FMN1: variants seen among roughly 807,000 people sequenced by gnomAD.
The protein encoded by FMN1 is formin 1.
In FMN1, 110 loss-of-function variants were observed where a neutral mutation model predicts 132.4. The observed-to-expected ratio is 0.83, with a 90% CI of 0.71 to 0.97. The LOEUF (loss-of-function observed/expected upper bound fraction) is 0.97. Among genes scored for constraint, FMN1 ranks in the 50% least tolerant of loss-of-function variants. FMN1 has a pLI of 0.00. For missense variants in FMN1, 1,792 were observed against 1,705.3 expected (o/e 1.05, Z -0.90); for synonymous variants, 722 against 651.7 (o/e 1.11, Z -1.64).
rs182045527 is a variant in FMN1 at position 32,863,439 on chromosome 15, A to T, written c.3836-6332T>A. The stretch of plus-strand genomic sequence containing the variant: ...ACAGAGCGAGACTCCATCTCAAAAT[A>T]AATAAATAAATAAAATAAAATAAAT... On this transcript the variant is annotated intron_variant, in intron 16 of 20. Coordinates refer to ENST00000616417, the MANE Select transcript of FMN1 (RefSeq NM_001277313.2). Among the ~76,000 whole-genome samples, 594 of 152,260 alleles carry T rather than the reference A, an allele frequency of 3.9e-3. 2 individuals carry two copies. The highest frequency in any genetic ancestry group is 6.9e-3 in the Non-Finnish European group (469 of 68,014).
intron 7 of FMN1, 33 bp downstream of exon 7, chr15:33,007,981 T>C (rs1345916662): frequency 7.7e-6 from 12 of 1,561,020 alleles, no homozygotes; most frequent in African/African-American, 6.8e-5. Context: ...ATCAGTTCTA[T>C]AGAACCCGTT....
intron 12 of FMN1, 184 bp downstream of exon 12, chr15:32,908,306 C>G (rs2060475374): frequency 3.7e-6 from 2 of 543,066 alleles, no homozygotes; most frequent in African/African-American, 1.9e-5. Context: ...TCCAACAGCA[C>G]AAATCTCAGC....
rs1596467942 is a variant in FMN1 at position 33,012,500 on chromosome 15, G to A, written c.2162-4425C>T. 6 of 1,410,066 alleles carry A rather than the reference G, an allele frequency of 4.3e-6. No homozygotes were observed. In the East Asian group the frequency reaches 1.4e-4, roughly 32 times the overall value. The allele number at this position is 1,410,066 out of a possible 1,614,324, so 87.3% of individuals were successfully genotyped here. Reference sequence around the variant, plus strand: ...CTAAGAGATTATTTTCAACAGTATGGAAAAATGGAAGTGATTGAAATCATG... The same window carrying A: ...CTAAGAGATTATTTTCAACAGTATGAAAAAATGGAAGTGATTGAAATCATG... On this transcript the variant is annotated intron_variant, in intron 6 of 20. Coordinates refer to ENST00000616417, the MANE Select transcript of FMN1 (RefSeq NM_001277313.2).
chr15:32,870,840 T>A lies in FMN1; in HGVS notation c.3836-13733A>T, dbSNP rs1247012176. Among the ~76,000 whole-genome samples, 3 of 152,176 alleles carry A rather than the reference T, an allele frequency of 2.0e-5. No homozygotes were observed. In the East Asian group the frequency reaches 5.8e-4, roughly 29 times the overall value. ...CAAAAATCGCCACCATGAGAAGCCTTCCCTTGAATTAAAGATGGTAACTCC... is the reference window on the plus strand; with the variant it reads ...CAAAAATCGCCACCATGAGAAGCCTACCCTTGAATTAAAGATGGTAACTCC... On this transcript the variant is annotated intron_variant, in intron 16 of 20. Coordinates refer to ENST00000616417, the MANE Select transcript of FMN1 (RefSeq NM_001277313.2).
At chr15:32,832,049 C>T (rs1027575109) in intron 17 of FMN1, among the ~76,000 whole-genome samples, 2 of 152,118 alleles carry the variant, frequency 1.3e-5, no homozygotes, top group African/African-American at 4.8e-5. Context: ...TATAGAGTTC[C>T]TGTGATCACT....
In FMN1 at chr15:33,073,699, G is replaced by A. The variant is rs148038853; in HGVS notation, c.2044-8625C>T. Among the ~76,000 whole-genome samples, 14 of 151,822 alleles carry A rather than the reference G, an allele frequency of 9.2e-5. No individual in the cohort carries two copies. The East Asian group carries it at 2.8e-3, about 30-fold the overall frequency. ...AATCCAGTTGTTGTAAGGTTGAATG[G>A]GACCTTAGAAATAGTAGAAATTTAC... is the stretch of plus-strand genomic sequence containing the variant. On this transcript the variant is annotated intron_variant, in intron 5 of 20. Coordinates refer to ENST00000616417, the MANE Select transcript of FMN1 (RefSeq NM_001277313.2).
At chr15:32,848,445 A>G (rs1483327551) in intron 17 of FMN1, among the ~76,000 whole-genome samples, 2 of 152,232 alleles carry the variant, frequency 1.3e-5, no homozygotes, top group East Asian at 3.8e-4. Context: ...CATTAGATAG[A>G]GCCATCTAGA....
chr15:33,006,857 G>A (rs534582192), intron 7 of FMN1, among the ~76,000 whole-genome samples: 1 of 152,260 alleles, frequency 6.6e-6, no homozygotes, highest in East Asian at 1.9e-4. Flanking sequence ...GGAACAGGGA[G>A]TAGAATGGTG....
chr15:33,011,033 A>C (rs2034690367), intron 6 of FMN1, among the ~76,000 whole-genome samples: 1 of 152,066 alleles, frequency 6.6e-6, no homozygotes, highest in African/African-American at 2.4e-5. Flanking sequence ...GTTTGAATAT[A>C]AGGAGCCCAT....
chr15:33,156,992 G>T (rs1468418134), intron 3 of FMN1, among the ~76,000 whole-genome samples: 1 of 152,166 alleles, frequency 6.6e-6, no homozygotes, highest in Non-Finnish European at 1.5e-5. Flanking sequence ...AATTGGCTGG[G>T]TATGGTGGCT....
At chr15:33,080,265 G>A (rs899946470) in intron 5 of FMN1, among the ~76,000 whole-genome samples, 1 of 152,232 alleles carries the variant, frequency 6.6e-6, no homozygotes, top group Non-Finnish European at 1.5e-5. Context: ...TGCATTTACT[G>A]ATGTTGAATC....
At chr15:33,067,795 C>G (rs766667039) in intron 5 of FMN1, 2 of 1,613,892 alleles carry the variant, frequency 1.2e-6, no homozygotes, top group South Asian at 1.1e-5. Flanking sequence ...AGAACTTACT[C>G]AGGATCGACT....
chr15:32,829,565 A>G (rs1304888650), intron 17 of FMN1, among the ~76,000 whole-genome samples: 1 of 152,246 alleles, frequency 6.6e-6, no homozygotes, highest in Non-Finnish European at 1.5e-5. Context: ...CTTTGAGGCC[A>G]GTTTCCTAAA....
At chr15:33,132,204 A>G (rs1433504527) in intron 4 of FMN1, among the ~76,000 whole-genome samples, 1 of 151,950 alleles carries the variant, frequency 6.6e-6, no homozygotes, top group Non-Finnish European at 1.5e-5. Flanking sequence ...CCTGGCTGTA[A>G]TATGCTTGTC....
At chr15:32,914,404 A>G (rs755448607) in intron 10 of FMN1, among the ~76,000 whole-genome samples, 5 of 152,172 alleles carry the variant, frequency 3.3e-5, no homozygotes, top group Admixed American at 6.6e-5. Flanking sequence ...AGGCTCACAA[A>G]ATGTTTAGGC....
chr15:32,956,256 T>C (rs1172088338), intron 9 of FMN1, among the ~76,000 whole-genome samples: 1 of 152,116 alleles, frequency 6.6e-6, no homozygotes, highest in East Asian at 1.9e-4. Flanking sequence ...CAAGTTACTG[T>C]TGAACAGCCA....
intron 6 of FMN1, among the ~76,000 whole-genome samples, chr15:33,013,686 ATAAG>A (rs1165322189): frequency 2.0e-5 from 3 of 152,234 alleles, no homozygotes; most frequent in African/African-American, 7.2e-5. Context: ...AATTCATAAA[ATAAG>A]AAGCAGAAAG....
chr15:32,987,010 G>C (rs961031076), intron 7 of FMN1, among the ~76,000 whole-genome samples: 1 of 152,086 alleles, frequency 6.6e-6, no homozygotes, highest in East Asian at 1.9e-4. Flanking sequence ...ATTCAAACTT[G>C]AAATGTCACT....
At chr15:32,979,963 T>C (rs1217879427) in intron 7 of FMN1, among the ~76,000 whole-genome samples, 1 of 151,264 alleles carries the variant, frequency 6.6e-6, no homozygotes, top group African/African-American at 2.5e-5. Flanking sequence ...CACAATCACC[T>C]TCTCCTTGCC....
Sources: allele counts gnomAD v4.1 joint callset (sites outside exome capture counted in the v4.1 genomes callset), GRCh38; gene constraint gnomAD v4.1.1; transcripts MANE v1.5; gene names NCBI Gene and HGNC (gene_info 2026-07-23, HGNC 2026-07-21).